Variants in DIAPH2 observed in about 807,000 individuals in gnomAD.
The protein encoded by DIAPH2 is diaphanous related formin 2.
A neutral mutation model predicts 92.7 loss-of-function variants in DIAPH2; 35 were observed. That is an observed-to-expected ratio of 0.38 (90% CI 0.29 to 0.50). The LOEUF is 0.50. Among genes scored for constraint, DIAPH2 ranks in the 20% least tolerant of loss-of-function variants. The pLI is 0.94. For synonymous variants in DIAPH2, 301 were observed against 280.4 expected, an observed-to-expected ratio of 1.07 and a Z score of -0.73; for missense variants, 701 against 819.5, an observed-to-expected ratio of 0.86 and a Z score of 1.77.
At chrX:97,198,483 G>A (rs1418725972) in intron 22 of DIAPH2, among the ~76,000 whole-genome samples, 1 of 110,753 alleles carries the variant, frequency 9.0e-6, no homozygotes, top group Non-Finnish European at 1.9e-5. Flanking sequence ...ATTTGAATAT[G>A]CATATTATAC....
chrX:97,315,160 C>T (rs1023595028), intron 23 of DIAPH2, among the ~76,000 whole-genome samples: 9 of 110,857 alleles, frequency 8.1e-5, no homozygotes, highest in African/African-American at 2.9e-4. Flanking sequence ...GTATACAAGT[C>T]AGTTGCCATG....
chrX:97,456,101 C>T (rs892618665), intron 26 of DIAPH2, among the ~76,000 whole-genome samples: 1 of 112,279 alleles, frequency 8.9e-6, no homozygotes, highest in Non-Finnish European at 1.9e-5. Flanking sequence ...TAAAAGCAAT[C>T]CTCAGGCCGG....
chrX:97,228,047 T>A (rs1193313643), intron 22 of DIAPH2, among the ~76,000 whole-genome samples: 1 of 110,866 alleles, frequency 9.0e-6, no homozygotes, highest in Non-Finnish European at 1.9e-5. Flanking sequence ...ACCACACGCA[T>A]GTGCCATTAT....
intron 24 of DIAPH2, among the ~76,000 whole-genome samples, chrX:97,379,374 A>G (rs894432296): frequency 8.9e-6 from 1 of 112,221 alleles, no homozygotes; most frequent in African/African-American, 3.2e-5. Flanking sequence ...CAAACTTTTA[A>G]ATGATTCTGT....
At chrX:97,486,580 T>A (rs1359195984) in intron 26 of DIAPH2, among the ~76,000 whole-genome samples, 2 of 111,764 alleles carry the variant, frequency 1.8e-5, no homozygotes, top group Non-Finnish European at 3.8e-5. Context: ...TGACTAAAAA[T>A]TATTCACAGA....
chrX:97,530,221 C>T (rs1208539017), intron 26 of DIAPH2, among the ~76,000 whole-genome samples: 6 of 111,772 alleles, frequency 5.4e-5, no homozygotes, highest in Non-Finnish European at 1.1e-4. Context: ...AACCTCCAGG[C>T]ATTTGCCAAA....
intron 26 of DIAPH2, among the ~76,000 whole-genome samples, chrX:97,498,052 G>T (rs1156918366): frequency 9.0e-6 from 1 of 111,555 alleles, no homozygotes; most frequent in Non-Finnish European, 1.9e-5. Context: ...CTGGAAGTCT[G>T]ACAGCACCTC....
chrX:97,126,997 T>C (rs2067098182), intron 21 of DIAPH2, among the ~76,000 whole-genome samples: 1 of 112,603 alleles, frequency 8.9e-6, no homozygotes, highest in Admixed American at 9.4e-5. Flanking sequence ...AAAGTATCTT[T>C]AAAACTGCTT....
intron 26 of DIAPH2, among the ~76,000 whole-genome samples, chrX:97,598,076 C>T (rs981355055): frequency 2.7e-5 from 3 of 111,241 alleles, no homozygotes; most frequent in East Asian, 2.8e-4. Context: ...CAGACAAGAA[C>T]GGCACCATGG....
chrX:97,011,782 C>T (rs929735163), intron 17 of DIAPH2, among the ~76,000 whole-genome samples: 2 of 104,476 alleles, frequency 1.9e-5, no homozygotes, highest in Non-Finnish European at 3.9e-5. Flanking sequence ...ATACCAGCTA[C>T]TTGGGAGGCT....
At chrX:97,577,865 G>A (rs1390892345) in intron 26 of DIAPH2, among the ~76,000 whole-genome samples, 2 of 111,814 alleles carry the variant, frequency 1.8e-5, no homozygotes, top group East Asian at 2.8e-4. Flanking sequence ...CTAATCTGCC[G>A]AAGCTACATC....
intron 1 of DIAPH2, among the ~76,000 whole-genome samples, chrX:96,707,012 A>G (rs1386276953): frequency 9.1e-6 from 1 of 110,493 alleles, no homozygotes; most frequent in Admixed American, 9.6e-5. Flanking sequence ...AGGTTGACAC[A>G]TTGCAGGTGG....
rs145175688 is a variant in DIAPH2, at chrX:96,930,817, C to T, written c.1063C>T (p.Arg355Cys). ...FRIHLRNEFL[R>C]SGLKTMLPDL... is the part of the protein sequence containing the mutation. Reference sequence around the variant, plus strand: ...AATACATTTAAGGAATGAATTCCTCCGTTCAGGACTAAAAACAATGTTACC... The same window carrying T: ...AATACATTTAAGGAATGAATTCCTCTGTTCAGGACTAAAAACAATGTTACC... The change falls in exon 10 of 27, where the codon CGT becomes TGT. Residue 355 changes from arginine to cysteine, a missense_variant. Around this residue, in one of 3 missense-constraint regions of DIAPH2, gnomAD observed 536 missense variants for 599.3 expected, o/e 0.89. Coordinates refer to ENST00000324765, the MANE Select transcript of DIAPH2 (RefSeq NM_006729.5). 33 of 1,187,013 alleles carry T rather than the reference C, an allele frequency of 2.8e-5. No homozygotes were observed. In the Admixed American group the frequency reaches 3.8e-4, roughly 14 times the overall value.
At chrX:97,459,412 G>A (rs5921826) in intron 26 of DIAPH2, among the ~76,000 whole-genome samples, 46,258 of 111,295 alleles carry the variant, frequency 0.42, 8,155 homozygotes, top group Non-Finnish European at 0.56. Flanking sequence ...GGAAATGATA[G>A]TAGGATTTTC....
chrX:96,954,676 C>T (rs1013356873), intron 15 of DIAPH2, among the ~76,000 whole-genome samples: 1 of 112,171 alleles, frequency 8.9e-6, no homozygotes, highest in African/African-American at 3.2e-5. Context: ...TTTTCTGCAG[C>T]TAACAGTTTC....
rs201675918 is a variant in DIAPH2 at position 96,758,330 on chromosome X, C to G, written c.447+72C>G. 137 of 879,060 alleles carry G rather than the reference C, an allele frequency of 1.6e-4. 1 individual carries two copies. In the East Asian group the frequency reaches 4.3e-3, roughly 27 times the overall value. The allele number at this position is 879,060 out of a possible 1,213,427, so 72.4% of individuals were successfully genotyped here. On this transcript the variant is annotated intron_variant, in intron 4 of 26. Transcript: ENST00000324765. ...TAGCATCATTTTGCTTAAAAATAAA[C>G]AAACCTCAGCTCTTCAGATTACCTC...
chrX:97,578,444 G>A (rs1241652197), intron 26 of DIAPH2, among the ~76,000 whole-genome samples: 1 of 105,146 alleles, frequency 9.5e-6, no homozygotes, highest in Non-Finnish European at 1.9e-5. Context: ...TCTTGCGATA[G>A]TTTACTGAGA....
chrX:97,449,326 T>C (rs924737267), intron 26 of DIAPH2, among the ~76,000 whole-genome samples: 14 of 112,161 alleles, frequency 1.2e-4, no homozygotes, highest in African/African-American at 4.5e-4. Context: ...AGCCTATGCC[T>C]ATTTATAATA....
intron 5 of DIAPH2, among the ~76,000 whole-genome samples, chrX:96,888,559 A>ATATCTGTG (rs2065281768): frequency 1.2e-5 from 1 of 86,142 alleles, no homozygotes; most frequent in Non-Finnish European, 2.2e-5. Flanking sequence ...ATATATCTAT[A>ATATCTGTG]TATATACACA....
Sources: allele counts gnomAD v4.1 joint callset (sites outside exome capture counted in the v4.1 genomes callset), GRCh38; gene constraint gnomAD v4.1.1; regional missense constraint gnomAD v4.1.1; transcripts MANE v1.5; gene names NCBI Gene and HGNC (gene_info 2026-07-23, HGNC 2026-07-21).